Variants in BABAM2 observed in about 807,000 individuals in gnomAD.
BABAM2 encodes BRISC and BRCA1 A complex member 2.
A neutral mutation model predicts 54.7 loss-of-function variants in BABAM2; 31 were observed. The ratio of observed to expected loss-of-function variants is 0.57; its 90% confidence interval spans 0.43 to 0.77. BABAM2 has a LOEUF of 0.77. Ranked by LOEUF, BABAM2 falls within the 30% of genes least tolerant of loss-of-function variation. The pLI, the probability that BABAM2 is intolerant of heterozygous loss-of-function variation, is 0.00. For missense variants in BABAM2, 364 were observed against 455.8 expected (o/e 0.80, Z 1.83); for synonymous variants, 167 against 162.9 (o/e 1.03, Z -0.19).
At chr2:28,113,291 G>A (rs1668304745) in intron 6 of BABAM2, among the ~76,000 whole-genome samples, 1 of 151,750 alleles carries the variant, frequency 6.6e-6, no homozygotes, top group Non-Finnish European at 1.5e-5. Context: ...CCTGTGTCCT[G>A]ATGGATTAAA....
chr2:28,135,221 A>G (rs1670429816), intron 7 of BABAM2, among the ~76,000 whole-genome samples: 1 of 152,196 alleles, frequency 6.6e-6, no homozygotes, highest in South Asian at 2.1e-4. Context: ...TTTTCTAGAG[A>G]TTAAATATGC....
rs549027048 is a variant in BABAM2 at position 28,322,617 on chromosome 2, C to T, written c.1089-15833C>T. Among the ~76,000 whole-genome samples the T allele has an allele frequency of 2.0e-5, 3 of 152,170 alleles. No homozygotes were observed. Among genetic ancestry groups the T allele is most frequent in the Non-Finnish European group, 4.4e-5 (3 of 68,038 alleles). On this transcript the variant is annotated intron_variant, in intron 11 of 11. Coordinates refer to ENST00000379624, the MANE Select transcript of BABAM2 (RefSeq NM_199191.3). The surrounding 1 kb of genome is among the most constrained non-coding windows in gnomAD (Gnocchi z 4.1). Reference sequence around the variant, plus strand: ...GCACCAAATGAGTGGCTCAACAGTTCGTGTTGTGGAGCTTCAGAGGCAGGA... The same window carrying T: ...GCACCAAATGAGTGGCTCAACAGTTTGTGTTGTGGAGCTTCAGAGGCAGGA...
In BABAM2 at chr2:27,943,584, G is replaced by A. The variant is rs540002323; in HGVS notation, c.205+13676G>A. Among the ~76,000 whole-genome samples the A allele has an allele frequency of 3.9e-4, 60 of 152,288 alleles. No individual in the cohort carries two copies. In the South Asian group the frequency reaches 0.012, roughly 31 times the overall value. On this transcript the variant is annotated intron_variant, in intron 3 of 11. Transcript: ENST00000379624. ...TCTATTTAGGAGGCTCCCTAGACCA[G>A]TTCTCTTCTAGTCTGCAAGAATGCT...
intron 7 of BABAM2, among the ~76,000 whole-genome samples, chr2:28,174,540 C>G (rs956923600): frequency 2.0e-5 from 3 of 152,118 alleles, no homozygotes; most frequent in African/African-American, 7.2e-5. Context: ...GGAAGCACAG[C>G]CGGGATCAGC....
At chr2:28,007,035 C>A (rs911772937) in intron 4 of BABAM2, among the ~76,000 whole-genome samples, 1 of 150,680 alleles carries the variant, frequency 6.6e-6, no homozygotes, top group Non-Finnish European at 1.5e-5. Flanking sequence ...ATAATTTGAT[C>A]TTTTTTTTTG....
At chr2:27,914,441 C>G (rs117207540) in intron 2 of BABAM2, among the ~76,000 whole-genome samples, 1 of 152,194 alleles carries the variant, frequency 6.6e-6, no homozygotes, top group African/African-American at 2.4e-5. Flanking sequence ...TTGTGTCCTT[C>G]CCTGTCTTTT....
upstream of BABAM2, chr2:27,890,280 G>A (rs137874195): frequency 1.3e-5 from 21 of 1,613,774 alleles, no homozygotes; most frequent in African/African-American, 2.3e-4. This position sits in a 1 kb window ranked among gnomAD's most constrained non-coding sequence, Gnocchi z 4.8. Flanking sequence ...TCATGCAGGA[G>A]CCCACCACTA....
chr2:28,087,437 G>A (rs1208595385), intron 6 of BABAM2, among the ~76,000 whole-genome samples: 2 of 152,046 alleles, frequency 1.3e-5, no homozygotes, highest in African/African-American at 4.8e-5. Context: ...GCTTACCTGA[G>A]GCAGAAGCCA....
intron 8 of BABAM2, among the ~76,000 whole-genome samples, chr2:28,237,849 T>C (rs1682054646): frequency 6.6e-6 from 1 of 152,034 alleles, no homozygotes; most frequent in African/African-American, 2.4e-5. Context: ...AGTCAGCTGG[T>C]CTTTTTATTT....
At chr2:28,314,973 A>G (rs1689389843) in intron 11 of BABAM2, among the ~76,000 whole-genome samples, 1 of 147,922 alleles carries the variant, frequency 6.8e-6, no homozygotes, top group Non-Finnish European at 1.5e-5. Context: ...AAGAAAAGAG[A>G]AAAGAAGGAA....
rs1200500932 is a variant in BABAM2 at position 28,026,971 on chromosome 2, A to AATATAT, written c.495+1553_495+1558dup. On this transcript the variant is annotated intron_variant, in intron 5 of 11. Transcript: ENST00000379624. ...ATTAATATATATAAATATATATATA[A>AATATAT]ATATATAAATATATATAAAAATATA... Among the ~76,000 whole-genome samples, 563 of 86,714 alleles carry AATATAT rather than the reference A, an allele frequency of 6.5e-3. 4 individuals carry two copies. Among genetic ancestry groups the AATATAT allele is most frequent in the South Asian group, 0.022 (75 of 3,418 alleles). The allele number at this position is 86,714 out of a possible 152,430, so 56.9% of individuals were successfully genotyped here.
chr2:28,015,423 A>T (rs560873772), intron 4 of BABAM2, among the ~76,000 whole-genome samples: 47 of 152,328 alleles, frequency 3.1e-4, no homozygotes, highest in Admixed American at 9.8e-4. Flanking sequence ...ATGTATCCAG[A>T]TTCAATTTCT....
chr2:27,987,968 G>A (rs778908413), intron 3 of BABAM2, 25 bp from the exon 4 acceptor site: 1 of 1,554,886 alleles, frequency 6.4e-7, no homozygotes, highest in Non-Finnish European at 8.9e-7. Flanking sequence ...AAATAAAAAG[G>A]ACCTGTCATT....
At chr2:27,992,909 T>A (rs1672879632) in intron 4 of BABAM2, among the ~76,000 whole-genome samples, 1 of 152,226 alleles carries the variant, frequency 6.6e-6, no homozygotes, top group South Asian at 2.1e-4. Flanking sequence ...CTTACCTGAA[T>A]GGCTTGTTCT....
In BABAM2 at chr2:27,998,913, A is replaced by G. The variant is rs191795626; in HGVS notation, c.300+10826A>G. On this transcript the variant is annotated intron_variant, in intron 4 of 11. Coordinates refer to ENST00000379624, the MANE Select transcript of BABAM2 (RefSeq NM_199191.3). ...ATATGTATAGCATTGAGTAGAAGAT[A>G]GAGAACCAACCTTTCAAGAGGACTT... 3.6e-3 allele frequency among the ~76,000 whole-genome samples: 543 copies of G among 152,354 alleles called. 3 individuals are homozygous for G. The highest frequency in any genetic ancestry group is 0.012 in the African/African-American group (517 of 41,586).
At chr2:27,894,848 T>G in intron 2 of BABAM2, 164 bp downstream of exon 2, 1 of 699,090 alleles carries the variant, frequency 1.4e-6, no homozygotes, top group Non-Finnish European at 2.3e-6. Flanking sequence ...TTCTTGACAT[T>G]TTATGTTTCA....
At chr2:27,890,002 G>A (rs943793970), upstream of BABAM2, 3 of 386,544 alleles carry the variant, frequency 7.8e-6, no homozygotes, top group Non-Finnish European at 9.3e-6. The surrounding 1 kb of genome is among the most constrained non-coding windows in gnomAD (Gnocchi z 4.8). Flanking sequence ...AGGTCTTTGG[G>A]GAGCGCTTTG....
chr2:28,254,583 G>A (rs904914788), intron 10 of BABAM2, among the ~76,000 whole-genome samples: 3 of 151,560 alleles, frequency 2.0e-5, no homozygotes, highest in Non-Finnish European at 4.4e-5. Context: ...ATAGTGAACC[G>A]CTATCACCCA....
intron 11 of BABAM2, chr2:28,327,425 G>A: frequency 1.9e-6 from 3 of 1,595,096 alleles, no homozygotes; most frequent in Non-Finnish European, 2.6e-6. Context: ...AGAGAGAACT[G>A]CTCAGTAATT....
Sources: gnomAD v4.1 joint callset for allele counts (sites outside exome capture counted in the v4.1 genomes callset) on GRCh38, gnomAD v4.1.1 for gene constraint, Gnocchi (gnomAD v3.1) non-coding constraint, MANE v1.5 for transcripts, NCBI Gene and HGNC (gene_info 2026-07-23, HGNC 2026-07-21) for gene names.